Variants in MEGF11 observed in about 807,000 individuals in gnomAD.
MEGF11 encodes multiple epidermal growth factor-like domains protein 11.
A neutral mutation model predicts 146.6 loss-of-function variants in MEGF11; 126 were observed. The ratio of observed to expected loss-of-function variants is 0.86; its 90% confidence interval spans 0.74 to 1.00. The LOEUF (loss-of-function observed/expected upper bound fraction) is 1.00. Among genes scored for constraint, MEGF11 ranks in the 50% least tolerant of loss-of-function variants. The pLI is 0.00. For missense variants in MEGF11, 1,509 were observed against 1,521.2 expected (o/e 0.99, Z 0.13); for synonymous variants, 532 against 583.4 (o/e 0.91, Z 1.27).
chr15:66,039,848 C>CAGCCTT (rs1190455475), intron 5 of MEGF11, among the ~76,000 whole-genome samples: 80 of 2,950 alleles, frequency 0.027, no homozygotes, highest in Non-Finnish European at 0.037. Context: ...GGGTGACGGT[C>CAGCCTT]CTGAGCCGGG....
At chr15:66,092,011 C>T (rs1020495220) in intron 5 of MEGF11, among the ~76,000 whole-genome samples, 35 of 152,234 alleles carry the variant, frequency 2.3e-4, no homozygotes, top group African/African-American at 7.5e-4. Flanking sequence ...TCTATACACA[C>T]AGACTGTGGT....
chr15:66,028,578 CAATT>C (rs1206896215), intron 5 of MEGF11, among the ~76,000 whole-genome samples: 1 of 152,146 alleles, frequency 6.6e-6, no homozygotes, highest in Non-Finnish European at 1.5e-5. Context: ...AAAAGAATAA[CAATT>C]ATTTATATGC....
At chr15:66,050,980 C>T (rs1015240132) in intron 5 of MEGF11, among the ~76,000 whole-genome samples, 4 of 152,230 alleles carry the variant, frequency 2.6e-5, no homozygotes, top group African/African-American at 9.7e-5. Context: ...GAGAGCTCTT[C>T]CCAAGGGAAT....
chr15:66,019,923 C>A (rs2083047290), intron 5 of MEGF11, among the ~76,000 whole-genome samples: 1 of 152,242 alleles, frequency 6.6e-6, no homozygotes, highest in Non-Finnish European at 1.5e-5. Flanking sequence ...CCACCGCTAC[C>A]CATTTCCTTC....
chr15:66,036,140 ACAG>A (rs2083717956), intron 5 of MEGF11, among the ~76,000 whole-genome samples: 1 of 152,266 alleles, frequency 6.6e-6, no homozygotes, highest in Admixed American at 6.5e-5. Flanking sequence ...ACCAACGGGA[ACAG>A]GGATCAGTGA....
chr15:66,142,705 A>G (rs1309307138), intron 1 of MEGF11, among the ~76,000 whole-genome samples: 3 of 152,238 alleles, frequency 2.0e-5, no homozygotes, highest in Admixed American at 6.5e-5. Context: ...GGGACAAAAA[A>G]GCACAGAAGT....
intron 5 of MEGF11, among the ~76,000 whole-genome samples, chr15:66,085,604 G>GCTTT (rs2086075500): frequency 1.3e-5 from 2 of 152,222 alleles, no homozygotes; most frequent in African/African-American, 4.8e-5. Context: ...CTTACAGGAA[G>GCTTT]CCACATCCAT....
intron 9 of MEGF11, among the ~76,000 whole-genome samples, chr15:65,958,006 G>T (rs1045292812): frequency 6.6e-6 from 1 of 152,192 alleles, no homozygotes; most frequent in Non-Finnish European, 1.5e-5. Context: ...TCCCACACAA[G>T]CCTTCTTTAT....
At chr15:66,200,291 C>T (rs1048145506) in intron 1 of MEGF11, among the ~76,000 whole-genome samples, 1 of 152,204 alleles carries the variant, frequency 6.6e-6, no homozygotes, top group African/African-American at 2.4e-5. Flanking sequence ...TTGTAAAGAA[C>T]AAGTTTTACT....
At chr15:66,080,561 A>G (rs892148544) in intron 5 of MEGF11, among the ~76,000 whole-genome samples, 4 of 152,038 alleles carry the variant, frequency 2.6e-5, no homozygotes, top group Non-Finnish European at 4.4e-5. Context: ...TGAACCCCCC[A>G]TTTGGTCCTG....
intron 7 of MEGF11, among the ~76,000 whole-genome samples, chr15:65,975,467 C>T (rs950143103): frequency 1.3e-5 from 2 of 152,176 alleles, no homozygotes; most frequent in African/African-American, 4.8e-5. Flanking sequence ...GCTCAGGATT[C>T]CCAAACTGCA....
intron 4 of MEGF11, among the ~76,000 whole-genome samples, chr15:66,098,522 C>T (rs561255964): frequency 6.6e-6 from 1 of 152,224 alleles, no homozygotes; most frequent in Non-Finnish European, 1.5e-5. Flanking sequence ...CCCTGGCCAA[C>T]TAGCCTGACA....
At chr15:66,161,398 T>A (rs1214223866) in intron 1 of MEGF11, among the ~76,000 whole-genome samples, 2 of 152,134 alleles carry the variant, frequency 1.3e-5, no homozygotes, top group Non-Finnish European at 2.9e-5. Context: ...ATCTCCACTT[T>A]TTTTTTAGAC....
chr15:65,974,555 T>C (rs2081392087), intron 7 of MEGF11, among the ~76,000 whole-genome samples: 1 of 152,142 alleles, frequency 6.6e-6, no homozygotes, highest in Non-Finnish European at 1.5e-5. Flanking sequence ...CTCGGGAGGC[T>C]GAGGCAGGAC....
chr15:66,013,543 G>A lies in MEGF11; in HGVS notation c.395-31055C>T, dbSNP rs77166244. Among the ~76,000 whole-genome samples, 106 of 152,282 alleles carry A rather than the reference G, an allele frequency of 7.0e-4. 3 individuals carry two copies. The East Asian group carries it at 0.016, about 23-fold the overall frequency. ...AATCTAATCTCCACAACTCACTGAG[G>A]AACAGATGTAGGAGGAATCTGAGGC... On this transcript the variant is annotated intron_variant, in intron 5 of 25. Coordinates refer to ENST00000395614, the MANE Select transcript of MEGF11 (RefSeq NM_001385028.1).
chr15:66,125,270 T>A (rs1194014300), intron 2 of MEGF11, among the ~76,000 whole-genome samples: 1 of 151,968 alleles, frequency 6.6e-6, no homozygotes. Flanking sequence ...GAGGCACACA[T>A]CTAGGAAAAA....
At chr15:65,957,777 C>A in intron 9 of MEGF11, 56 bp from the exon 10 acceptor site, 4 of 1,569,668 alleles carry the variant, frequency 2.5e-6, no homozygotes. Context: ...CAGCCATGTC[C>A]CCGCCCTCTG....
chr15:66,128,800 C>T (rs118000025), intron 1 of MEGF11, among the ~76,000 whole-genome samples: 2,472 of 152,220 alleles, frequency 0.016, 44 homozygotes, highest in East Asian at 0.064. Context: ...TCCCCATTCC[C>T]TTATCCCTCA....
intron 9 of MEGF11, among the ~76,000 whole-genome samples, chr15:65,962,271 T>C (rs984609673): frequency 4.0e-4 from 61 of 152,230 alleles, no homozygotes; most frequent in South Asian, 8.3e-4. Flanking sequence ...ATAAGAACAA[T>C]CAAGCGCAGC....
Sources: allele counts gnomAD v4.1 joint callset (sites outside exome capture counted in the v4.1 genomes callset), GRCh38; gene constraint gnomAD v4.1.1; transcripts MANE v1.5; gene names NCBI Gene and HGNC (gene_info 2026-07-23, HGNC 2026-07-21).